The following CD82 variants were observed in gnomAD, a reference collection of about 807,000 sequenced individuals.
CD82 encodes CD82 molecule.
CD82 carries 36 observed loss-of-function variants against 37.4 expected under a neutral mutation model. That is an observed-to-expected ratio of 0.96 (90% CI 0.74 to 1.27). The LOEUF (loss-of-function observed/expected upper bound fraction) is 1.27. Among genes scored for constraint, CD82 ranks in the 50% most tolerant of loss-of-function variants. CD82 has a pLI of 0.00. For synonymous variants in CD82, 158 were observed against 137.4 expected, an observed-to-expected ratio of 1.15 and a Z score of -1.05; for missense variants, 340 against 347.0, an observed-to-expected ratio of 0.98 and a Z score of 0.16.
rs749272629 is a variant in CD82 at position 44,619,064 on chromosome 11, C to T, written c.742C>T (p.Leu248=). 1.2e-6 allele frequency: 2 copies of T among 1,613,148 alleles called. No homozygotes were observed. Among genetic ancestry groups the T allele is most frequent in the East Asian group, 4.5e-5 (2 of 44,770 alleles). ...CTCCCCACAGCTCCTGGGGATGGTCCTGTCCATCTGCTTGTGCCGGCACGT... is the reference window on the plus strand; with the variant it reads ...CTCCCCACAGCTCCTGGGGATGGTCTTGTCCATCTGCTTGTGCCGGCACGT... ...VAIIELLGMV[L]SICLCRHVHS... The change falls in exon 10 of 10, where the codon CTG becomes TTG. Residue 248 remains leucine, a synonymous_variant. Coordinates refer to ENST00000227155, the MANE Select transcript of CD82 (RefSeq NM_002231.4).
chr11:44,615,190 G>T (rs1377908917), intron 6 of CD82, 82 bp from the exon 7 acceptor site: 1 of 873,496 alleles, frequency 1.1e-6, no homozygotes, highest in Non-Finnish European at 1.9e-6. Flanking sequence ...GGGAACGGGG[G>T]GAGGCAGTTT....
intron 1 of CD82, among the ~76,000 whole-genome samples, chr11:44,583,599 T>C: frequency 6.6e-6 from 1 of 152,142 alleles, no homozygotes; most frequent in East Asian, 1.9e-4. Context: ...ACCTTGTTCA[T>C]TTGGGCAGCA....
At chr11:44,593,352 A>AC (rs1004611169) in intron 2 of CD82, among the ~76,000 whole-genome samples, 2 of 150,758 alleles carry the variant, frequency 1.3e-5, no homozygotes, top group South Asian at 2.1e-4. Context: ...CGTCCCCTCC[A>AC]CCCCCCCAGC....
chr11:44,614,760 C>T (rs1256310962), intron 6 of CD82, among the ~76,000 whole-genome samples: 2 of 152,106 alleles, frequency 1.3e-5, no homozygotes, highest in African/African-American at 4.8e-5. Context: ...TGGAGCAGAG[C>T]CCTGAAGGAA....
chr11:44,595,788 G>C, intron 3 of CD82, among the ~76,000 whole-genome samples: 1 of 151,374 alleles, frequency 6.6e-6, no homozygotes, highest in East Asian at 1.9e-4. Context: ...TTCCCCTTCT[G>C]GCCAGACATG....
At chr11:44,582,700 T>C (rs1476665013) in intron 1 of CD82, among the ~76,000 whole-genome samples, 3 of 152,156 alleles carry the variant, frequency 2.0e-5, no homozygotes, top group Non-Finnish European at 4.4e-5. Flanking sequence ...CTGGGAATCC[T>C]GTTTTCAGGG....
At chr11:44,618,433 A>T (rs570687836) in intron 8 of CD82, 68 bp downstream of exon 8, 1 of 1,380,394 alleles carries the variant, frequency 7.2e-7, no homozygotes, top group African/African-American at 1.4e-5. Flanking sequence ...GCTACTGCTC[A>T]GCAATTCCTT....
intron 2 of CD82, among the ~76,000 whole-genome samples, chr11:44,588,119 T>C (rs1469382474): frequency 1.3e-5 from 2 of 152,180 alleles, no homozygotes; most frequent in Non-Finnish European, 2.9e-5. Flanking sequence ...GCATGCGTTA[T>C]AGGAACTGCC....
chr11:44,594,431 C>T (rs539693981), intron 2 of CD82, among the ~76,000 whole-genome samples: 1 of 152,316 alleles, frequency 6.6e-6, no homozygotes, highest in East Asian at 1.9e-4. Flanking sequence ...GTGGCTGATC[C>T]GGATCCTAAC....
chr11:44,615,409 C>G, intron 7 of CD82, 36 bp downstream of exon 7: 1 of 1,279,286 alleles, frequency 7.8e-7, no homozygotes, highest in Non-Finnish European at 1.1e-6. Context: ...GCTCTCTGGC[C>G]TGGGTGTCCC....
chr11:44,596,865 C>T (rs951588324), intron 3 of CD82: 1 of 455,574 alleles, frequency 2.2e-6, no homozygotes, highest in African/African-American at 2.0e-5. Context: ...CAGTGGGCTT[C>T]CATCAAATAA....
At chr11:44,613,107 G>A (rs922623831) in intron 6 of CD82, among the ~76,000 whole-genome samples, 1 of 152,240 alleles carries the variant, frequency 6.6e-6, no homozygotes, top group Non-Finnish European at 1.5e-5. Flanking sequence ...CCACCTGGAA[G>A]TACCTGTCTC....
intron 1 of CD82, among the ~76,000 whole-genome samples, chr11:44,584,436 G>A (rs1457166207): frequency 6.6e-6 from 1 of 152,170 alleles, no homozygotes; most frequent in East Asian, 1.9e-4. Context: ...ACAGGCACCC[G>A]CCACCATGCC....
chr11:44,574,071 G>A (rs911883515), intron 1 of CD82, among the ~76,000 whole-genome samples: 5 of 152,160 alleles, frequency 3.3e-5, no homozygotes, highest in Non-Finnish European at 4.4e-5. Context: ...GGAGCTTTCC[G>A]GGGTTGCTTG....
upstream of CD82, chr11:44,564,571 C>A (rs996131568): frequency 8.9e-6 from 4 of 449,798 alleles, no homozygotes; most frequent in Admixed American, 4.8e-5. Flanking sequence ...GTGGGCACCG[C>A]AGCCACCTAG....
intron 1 of CD82, among the ~76,000 whole-genome samples, chr11:44,578,917 T>G (rs923899251): frequency 2.0e-5 from 3 of 152,150 alleles, no homozygotes; most frequent in African/African-American, 7.2e-5. Flanking sequence ...TCTCTCTTCC[T>G]CCCCATGGCC....
At chr11:44,604,858 T>C (rs1342609680) in intron 4 of CD82, 200 bp from the exon 5 acceptor site, 2 of 655,144 alleles carry the variant, frequency 3.1e-6, no homozygotes, top group Non-Finnish European at 5.3e-6. Context: ...AGGGTGTGGA[T>C]TGCAATTTTA....
intron 1 of CD82, among the ~76,000 whole-genome samples, chr11:44,579,848 G>T (rs776830359): frequency 6.6e-6 from 1 of 152,210 alleles, no homozygotes. Flanking sequence ...CTGGGCTCCC[G>T]TCATGGAGAG....
intron 6 of CD82, among the ~76,000 whole-genome samples, chr11:44,610,482 A>T (rs1181355791): frequency 6.6e-6 from 1 of 152,230 alleles, no homozygotes; most frequent in African/African-American, 2.4e-5. Context: ...CTGGACGCAA[A>T]GGTCTCTCCT....
Sources: gnomAD v4.1 joint callset for allele counts (sites outside exome capture counted in the v4.1 genomes callset) on GRCh38, gnomAD v4.1.1 for gene constraint, MANE v1.5 for transcripts, NCBI Gene and HGNC (gene_info 2026-07-23, HGNC 2026-07-21) for gene names.